Variants in GGT6 observed in about 807,000 individuals in gnomAD.
GGT6 encodes glutathione hydrolase 6.
A neutral mutation model predicts 17.0 loss-of-function variants in GGT6; 13 were observed. The ratio of observed to expected loss-of-function variants is 0.77; its 90% CI spans 0.50 to 1.22. The LOEUF (loss-of-function observed/expected upper bound fraction) is 1.22. Ranked by LOEUF, GGT6 falls within the 50% of genes most tolerant of loss-of-function variation. GGT6 has a pLI of 0.00. For synonymous variants in GGT6, 305 were observed against 297.9 expected (o/e 1.02, Z -0.25); for missense variants, 628 against 643.7 (o/e 0.98, Z 0.26).
Position 4,558,008 on chromosome 17 carries a change from C to T in GGT6, c.*7G>A, listed in dbSNP as rs777659763. ...CTCTGCCTTCTGCCAGACCCACCCC[C>T]ATCCTGTTAGAACCCCTGGAAGGGG... On this transcript the variant is annotated 3_prime_UTR_variant, in exon 4 of 4. Transcript: ENST00000381550. The T allele has an allele frequency of 1.3e-6, 2 of 1,512,610 alleles. No homozygotes were observed. Among genetic ancestry groups the T allele is most frequent in the South Asian group, 1.3e-5 (1 of 76,722 alleles). 93.7% of individuals were successfully genotyped at this position (1,512,610 alleles called of 1,614,324 possible).
chr17:4,558,551 C>G lies in GGT6; in HGVS notation c.964G>C (p.Ala322Pro). 6.4e-7 allele frequency: 1 copy of G among 1,572,686 alleles called. No homozygotes were observed. The highest frequency in any genetic ancestry group is 8.6e-7 in the Non-Finnish European group (1 of 1,159,104). The change falls in exon 4 of 4, where the codon GCT becomes CCT. Residue 322 changes from alanine (A) to proline (P), a missense_variant. Transcript: ENST00000381550. ...GILFTTPSPS[A>P]GPELLALLEA... Reference sequence around the variant, plus strand: ...AACAGTGCCAGCAGTTCTGGGCCAGCTGAGGGACTGGGGGTGGTGAACAGG... The same window carrying G: ...AACAGTGCCAGCAGTTCTGGGCCAGGTGAGGGACTGGGGGTGGTGAACAGG...
chr17:4,556,510 T>C (rs1908136189), downstream of GGT6, among the ~76,000 whole-genome samples: 1 of 152,152 alleles, frequency 6.6e-6, no homozygotes, highest in East Asian at 1.9e-4. Flanking sequence ...CCTTTTACAA[T>C]GGCAGGGGAG....
rs1908348115 is a variant in GGT6 at position 4,558,522 on chromosome 17, C to T, written c.993G>A (p.Glu331=). ...SAGPELLALL[E]AALRSGAPIP... ...TGGGCGCCCCGGAGCGCAGGGCTGCCTCCAACAGTGCCAGCAGTTCTGGGC... is the reference window on the plus strand; with the variant it reads ...TGGGCGCCCCGGAGCGCAGGGCTGCTTCCAACAGTGCCAGCAGTTCTGGGC... The change falls in exon 4 of 4, where the codon GAG becomes GAA. Residue 331 remains glutamate (E), a synonymous_variant. Transcript: ENST00000381550. The T allele has an allele frequency of 1.9e-6, 3 of 1,590,944 alleles. No homozygotes were observed. The highest frequency in any genetic ancestry group is 3.5e-5 in the Admixed American group (2 of 56,734).
At position 4,558,659 on chromosome 17, in the gene GGT6, C is replaced by A; in HGVS notation, c.856G>T (p.Gly286Ter). The part of the protein sequence containing the change: ...AGDALLSLLA[G>*]DLGVEVPSAV... ...GAGGGCACCTCCACCCCCAGGTCTCCCGCCAGTAGACTCAGTAGAGCATCC... is the reference window on the plus strand; with the variant it reads ...GAGGGCACCTCCACCCCCAGGTCTCACGCCAGTAGACTCAGTAGAGCATCC... The change falls in exon 4 of 4, where the codon GGA (glycine) becomes TGA (stop). Residue 286 changes from glycine (G) to a stop codon, truncating the protein, a stop_gained. Coordinates refer to ENST00000381550, the MANE Select transcript of GGT6 (RefSeq NM_001288702.2). LOFTEE classifies it low-confidence loss of function (END_TRUNC). 6.3e-7 allele frequency: 1 copy of A among 1,592,070 alleles called. No individual in the cohort carries two copies. Among genetic ancestry groups the A allele is most frequent in the Non-Finnish European group, 8.6e-7 (1 of 1,169,148 alleles).
rs777141662 is a variant in GGT6 at position 4,559,032 on chromosome 17, G to A, written c.483C>T (p.His161=). The change falls in exon 4 of 4, where the codon CAC becomes CAT. Residue 161 remains histidine, a synonymous_variant. Transcript: ENST00000381550. Reference sequence around the variant, plus strand: ...CCGTGGAATTGCCTGAGGAGCTATCGTGGAAGAGGCCCCAAAACATGGCAC... The same window carrying A: ...CCGTGGAATTGCCTGAGGAGCTATCATGGAAGAGGCCCCAAAACATGGCAC... ...GLGAMFWGLF[H]DSSSGNSTAL... The A allele has an allele frequency of 4.6e-5, 71 of 1,542,020 alleles. No homozygotes were observed. The highest frequency in any genetic ancestry group is 8.2e-5 in the African/African-American group (6 of 73,022).
chr17:4,560,358 T>G (rs1908553517), intron 1 of GGT6, 24 bp downstream of exon 1: 3 of 1,613,768 alleles, frequency 1.9e-6, no homozygotes, highest in Admixed American at 1.7e-5. Context: ...GGGAGCCTGG[T>G]GCCCAGACCC....
rs951514672 is a variant in GGT6 at position 4,558,735 on chromosome 17, C to T, written c.780G>A (p.Leu260=). ...GAGARATNPQ[L]AAVLRSAALA... ...GGGCTGCGCTGCGAAGCACAGCTGC[C>T]AGTTGTGGGTTGGTGGCTCGGGCCC... is the stretch of plus-strand genomic sequence containing the variant. Residue 260 remains leucine (L), a synonymous_variant, in exon 4 of 4, where the codon CTG becomes CTA. Coordinates refer to ENST00000381550, the MANE Select transcript of GGT6 (RefSeq NM_001288702.2). The T allele has an allele frequency of 4.1e-5, 66 of 1,598,750 alleles. No homozygotes were observed. Among genetic ancestry groups the T allele is most frequent in the Non-Finnish European group, 5.5e-5 (65 of 1,173,910 alleles).
rs1908275434 is a variant in GGT6, at chr17:4,557,867, C to G, written c.*148G>C. ...TTTCAAACTCCTGGCCTCGAGGTAT[C>G]TTCCTGCCTTGACCACCCAAAGTGC... is the stretch of plus-strand genomic sequence containing the variant. On this transcript the variant is annotated 3_prime_UTR_variant, in exon 4 of 4. Coordinates refer to ENST00000381550, the MANE Select transcript of GGT6 (RefSeq NM_001288702.2). 3.5e-6 allele frequency: 2 copies of G among 569,840 alleles called. No homozygotes were observed. The highest frequency in any genetic ancestry group is 5.1e-5 in the South Asian group (2 of 39,032). The allele number at this position is 569,840 out of a possible 1,614,324, so 35.3% of individuals were successfully genotyped here.
At chr17:4,556,737 TGAAAA>T (rs1908169395), downstream of GGT6, among the ~76,000 whole-genome samples, 1 of 152,148 alleles carries the variant, frequency 6.6e-6, no homozygotes. Context: ...GAAAGTGAAA[TGAAAA>T]CATTCACCTT....
chr17:4,558,452 C>T lies in GGT6; in HGVS notation c.1063G>A (p.Glu355Lys), dbSNP rs570669022. Residue 355 changes from glutamate (E) to lysine (K), a missense_variant, in exon 4 of 4, where the codon GAG (glutamate) becomes AAG (lysine). Physicochemically the swap from Glu to Lys is moderately conservative, Grantham distance 56. Transcript: ENST00000381550. Reference sequence around the variant, plus strand: ...TCCACGGCGGCCAGGGCACTGCTCTCGGGGCTCACAGCAGTCTGCAGGAAC... The same window carrying T: ...TCCACGGCGGCCAGGGCACTGCTCTTGGGGCTCACAGCAGTCTGCAGGAAC... Reference protein sequence around the residue: ...PPFLQTAVSPESSALAAVDSS... With the variant: ...PPFLQTAVSPKSSALAAVDSS... 17 of 1,607,712 alleles carry T rather than the reference C, an allele frequency of 1.1e-5. No homozygotes were observed. In the East Asian group the frequency reaches 2.7e-4, roughly 25 times the overall value.
At chr17:4,556,459 G>A (rs1908127166), downstream of GGT6, among the ~76,000 whole-genome samples, 2 of 152,184 alleles carry the variant, frequency 1.3e-5, no homozygotes, top group Admixed American at 6.5e-5. Flanking sequence ...GGAGTGGGAG[G>A]TAAAGGTGGT....
At position 4,557,159 on chromosome 17, in the gene GGT6, C is replaced by G. The variant is rs1908212032; in HGVS notation, c.*856G>C. 6.6e-6 allele frequency: 1 copy of G among 152,200 alleles called. No homozygotes were observed. The highest frequency in any genetic ancestry group is 1.5e-5 in the Non-Finnish European group (1 of 68,054). 9.4% of individuals were successfully genotyped at this position (152,200 alleles called of 1,614,324 possible). ...GCCCTACTGCTTTTTCGTTATTACCCTGATTTTCTTAGCTGATAAAATAGC... is the reference window on the plus strand; with the variant it reads ...GCCCTACTGCTTTTTCGTTATTACCGTGATTTTCTTAGCTGATAAAATAGC... On this transcript the variant is annotated 3_prime_UTR_variant, in exon 4 of 4. Coordinates refer to ENST00000381550, the MANE Select transcript of GGT6 (RefSeq NM_001288702.2).
chr17:4,556,162 A>G (rs1474508163), downstream of GGT6, among the ~76,000 whole-genome samples: 1 of 152,238 alleles, frequency 6.6e-6, no homozygotes, highest in Non-Finnish European at 1.5e-5. Flanking sequence ...GGTGAGTTTA[A>G]TGCAGGGGCA....
At position 4,560,534 on chromosome 17, in the gene GGT6, C is replaced by T. The variant is rs1249223288; in HGVS notation, c.-13G>A. On this transcript the variant is annotated 5_prime_UTR_variant, in exon 1 of 4. Coordinates refer to ENST00000381550, the MANE Select transcript of GGT6 (RefSeq NM_001288702.2). ...CTGCCCGCTCCATGGCCCCCCAGTGCTCGCCCCAGCCCTCCTGCCTGCCAG... is the reference window on the plus strand; with the variant it reads ...CTGCCCGCTCCATGGCCCCCCAGTGTTCGCCCCAGCCCTCCTGCCTGCCAG... 2 of 1,607,618 alleles carry T rather than the reference C, an allele frequency of 1.2e-6. No individual in the cohort carries two copies. The highest frequency in any genetic ancestry group is 1.7e-6 in the Non-Finnish European group (2 of 1,179,946).
At position 4,558,755 on chromosome 17, in the gene GGT6, G is replaced by C. The variant is rs756574650; in HGVS notation, c.760C>G (p.Arg254Gly). The C allele has an allele frequency of 1.3e-6, 2 of 1,581,712 alleles. No homozygotes were observed. The highest frequency in any genetic ancestry group is 2.3e-5 in the East Asian group (1 of 43,584). ...ADGTPLGAGARATNPQLAAVL... is the reference protein window; with the variant it reads ...ADGTPLGAGAGATNPQLAAVL... ...GCTGCCAGTTGTGGGTTGGTGGCTC[G>C]GGCCCCAGCGCCCAGGGGTGTCCCA... The change falls in exon 4 of 4, where the codon CGA becomes GGA. Residue 254 changes from arginine (R) to glycine (G), a missense_variant. By Grantham distance (125) the Arg-to-Gly change is moderately radical. Coordinates refer to ENST00000381550, the MANE Select transcript of GGT6 (RefSeq NM_001288702.2).
In GGT6 at chr17:4,557,835, A is replaced by G. The variant is rs1387082606; in HGVS notation, c.*180T>C. The G allele has an allele frequency of 3.8e-6, 2 of 533,222 alleles. No individual in the cohort carries two copies. Among genetic ancestry groups the G allele is most frequent in the Non-Finnish European group, 6.6e-6 (2 of 304,564 alleles). The allele number at this position is 533,222 out of a possible 1,614,324, so 33.0% of individuals were successfully genotyped here. ...CAGATGAGATCTTGCTTTGTTGTCT[A>G]GGCTAGTTTCAAACTCCTGGCCTCG... On this transcript the variant is annotated 3_prime_UTR_variant, in exon 4 of 4. Transcript: ENST00000381550.
Position 4,558,058 on chromosome 17 carries a change from A to T in GGT6, c.1457T>A (p.Val486Asp). 6.3e-7 allele frequency: 1 copy of T among 1,576,260 alleles called. No individual in the cohort carries two copies. The highest frequency in any genetic ancestry group is 8.6e-7 in the Non-Finnish European group (1 of 1,159,022). Residue 486 changes from valine (V) to aspartate (D), a missense_variant, in exon 4 of 4, where the codon GTC (valine) becomes GAC (aspartate). By Grantham distance (152) the Val-to-Asp change is radical (BLOSUM62 -3). Transcript: ENST00000381550. The part of the protein sequence containing the change: ...QVAAHTEHAH[V>D]SSVPHACCPF... ...GCAGCAGGCATGGGGGACACTGGAG[A>T]CATGGGCGTGCTCTGTGTGGGCTGC...
At chr17:4,559,198 G>T in intron 3 of GGT6, 141 bp from the exon 4 acceptor site, 1 of 1,261,326 alleles carries the variant, frequency 7.9e-7, no homozygotes, top group African/African-American at 1.5e-5. Context: ...GGGCTCAAGG[G>T]TCATAGCCTG....
At chr17:4,559,250 C>T (rs1311128207) in intron 3 of GGT6, 93 bp downstream of exon 3, 11 of 1,201,640 alleles carry the variant, frequency 9.2e-6, no homozygotes, top group Non-Finnish European at 1.3e-5. Context: ...GCTCACTTAG[C>T]AGTCTTGAGG....
Sources: gnomAD v4.1 joint callset for allele counts (sites outside exome capture counted in the v4.1 genomes callset) on GRCh38, gnomAD v4.1.1 for gene constraint, MANE v1.5 for transcripts, NCBI Gene and HGNC (gene_info 2026-07-23, HGNC 2026-07-21) for gene names.